Variants in CBLIF observed in about 807,000 individuals in gnomAD.
CBLIF encodes gastric intrinsic factor (vitamin B synthesis).
CBLIF carries 24 observed loss-of-function variants against 44.9 expected under a neutral mutation model. That is an observed-to-expected ratio of 0.53 (90% CI 0.39 to 0.75). The LOEUF is 0.75. CBLIF is among the 30% of genes least tolerant of loss of function. The pLI is 0.00. For missense variants in CBLIF, 481 were observed against 513.0 expected, an observed-to-expected ratio of 0.94 and a Z score of 0.60; for synonymous variants, 183 against 190.9, an observed-to-expected ratio of 0.96 and a Z score of 0.34.
At chr11:59,834,249 TTTCTTTC>T (rs1866414221) in intron 7 of CBLIF, among the ~76,000 whole-genome samples, 4 of 80,952 alleles carry the variant, frequency 4.9e-5, no homozygotes, top group African/African-American at 2.0e-4. Flanking sequence ...TTTTTCTTTC[TTTCTTTC>T]TTTCTTTCTT....
At chr11:59,836,524 A>G (rs1160196001) in intron 6 of CBLIF, among the ~76,000 whole-genome samples, 1 of 152,230 alleles carries the variant, frequency 6.6e-6, no homozygotes, top group East Asian at 1.9e-4. Context: ...TATATGCATA[A>G]TTGGATAAAA....
chr11:59,842,530 G>C lies in CBLIF; in HGVS notation c.424C>G (p.Leu142Val). The change falls in exon 4 of 9, where the codon CTG (leucine) becomes GTG (valine). Residue 142 changes from leucine to valine, a missense_variant. Coordinates refer to ENST00000257248, the MANE Select transcript of CBLIF (RefSeq NM_005142.3). ...GTCGCCTCAGAGTTCTTCTGGCACA[G>C]TGCCAAGATCGCTAGACTGGGCCCA... is the stretch of plus-strand genomic sequence containing the variant. ...FYGPSLAILA[L>V]CQKNSEATLP... 6.2e-7 allele frequency: 1 copy of C among 1,613,984 alleles called. No individual in the cohort carries two copies. The highest frequency in any genetic ancestry group is 1.1e-5 in the South Asian group (1 of 91,072).
At chr11:59,829,790 C>T (rs147809721) in intron 8 of CBLIF, among the ~76,000 whole-genome samples, 19 of 152,264 alleles carry the variant, frequency 1.2e-4, no homozygotes, top group Non-Finnish European at 2.2e-4. Context: ...CTTTAAGATG[C>T]GCGAGTCTCT....
chr11:59,841,918 T>G (rs1048527427), intron 4 of CBLIF, among the ~76,000 whole-genome samples: 1 of 152,082 alleles, frequency 6.6e-6, no homozygotes, highest in African/African-American at 2.4e-5. Flanking sequence ...AAGCTTCTAT[T>G]CACAAGCAGC....
intron 6 of CBLIF, 117 bp downstream of exon 6, chr11:59,837,051 GATGTAC>G (rs1389751350): frequency 7.5e-6 from 6 of 798,054 alleles, no homozygotes; most frequent in Non-Finnish European, 1.3e-5. Flanking sequence ...CTGGGAGTCA[GATGTAC>G]TCTGCCCACA....
rs574226657 is a variant in CBLIF at position 59,843,805 on chromosome 11, C to A, written c.256+74G>T. 2.9e-4 allele frequency: 331 copies of A among 1,129,530 alleles called. 4 individuals are homozygous for A. The South Asian group carries it at 4.0e-3, about 14-fold the overall frequency. The allele number at this position is 1,129,530 out of a possible 1,614,324, so 70.0% of individuals were successfully genotyped here. ...AGAGGCAGCATTGGGGTGGGAAGGA[C>A]GCTGAGTTGGAATCTGGAGGTGGTA... is the stretch of plus-strand genomic sequence containing the variant. On this transcript the variant is annotated intron_variant, in intron 2 of 8. Coordinates refer to ENST00000257248, the MANE Select transcript of CBLIF (RefSeq NM_005142.3).
At chr11:59,843,165 TTA>T in intron 2 of CBLIF, 24 bp from the exon 3 acceptor site, 1 of 1,425,314 alleles carries the variant, frequency 7.0e-7, no homozygotes, top group Non-Finnish European at 9.9e-7. Flanking sequence ...AACACAACGG[TTA>T]GACAGAGACA....
At chr11:59,833,237 C>T (rs961610100) in intron 7 of CBLIF, among the ~76,000 whole-genome samples, 11 of 152,100 alleles carry the variant, frequency 7.2e-5, no homozygotes, top group African/African-American at 2.2e-4. Context: ...TATTTTTGGG[C>T]CAGACGCAGT....
chr11:59,836,020 C>T lies in CBLIF; in HGVS notation c.872-11G>A. On this transcript the variant is annotated splice_polypyrimidine_tract_variant and intron_variant, in intron 6 of 8. Coordinates refer to ENST00000257248, the MANE Select transcript of CBLIF (RefSeq NM_005142.3). ...GTTGTACCTCATGATCTGTGAAGGG[C>T]AAAGAGGCCACATTTGTCAAAGATT... The T allele has an allele frequency of 6.2e-7, 1 of 1,608,914 alleles. No individual in the cohort carries two copies. Among genetic ancestry groups the T allele is most frequent in the Non-Finnish European group, 8.5e-7 (1 of 1,175,220 alleles).
intron 7 of CBLIF, 101 bp from the exon 8 acceptor site, chr11:59,831,897 A>C: frequency 1.4e-6 from 1 of 718,806 alleles, no homozygotes; most frequent in South Asian, 1.5e-5. Flanking sequence ...TAGTTAATTA[A>C]TTTTTTAGAG....
chr11:59,842,421 G>C lies in CBLIF; in HGVS notation c.511+22C>G, dbSNP rs202046221. 3,987 of 1,612,618 alleles carry C rather than the reference G, an allele frequency of 2.5e-3. 114 individuals carry two copies. The highest frequency in any genetic ancestry group is 2.0e-4 in the Non-Finnish European group (236 of 1,179,436). On this transcript the variant is annotated intron_variant, in intron 4 of 8. Transcript: ENST00000257248. The stretch of plus-strand genomic sequence containing the variant: ...ACGATGCCTCTGATGTTCCCAGCTC[G>C]GGGTAGTGGTGACCTACTCACCTAC...
Position 59,843,285 on chromosome 11 carries a change from G to GA in CBLIF, c.257-145dup, listed in dbSNP as rs536951807. 5.4e-3 allele frequency: 3,580 copies of GA among 665,208 alleles called. 127 individuals carry two copies. The Admixed American group carries it at 0.068, about 13-fold the overall frequency. The allele number at this position is 665,208 out of a possible 1,614,324, so 41.2% of individuals were successfully genotyped here. A position where few individuals can be genotyped will look rare whatever the true frequency, so the allele number is the denominator to read the frequency against. ...CAGTTCTTTGATCTGTCTTTCCAAA[G>GA]AAAAAAATATGGAAGAATACGTAAG... On this transcript the variant is annotated intron_variant, in intron 2 of 8. Coordinates refer to ENST00000257248, the MANE Select transcript of CBLIF (RefSeq NM_005142.3).
intron 7 of CBLIF, among the ~76,000 whole-genome samples, chr11:59,832,185 A>G (rs1253817142): frequency 6.6e-6 from 1 of 152,192 alleles, no homozygotes; most frequent in Non-Finnish European, 1.5e-5. Flanking sequence ...TGCAATGGAC[A>G]TGGATGGAGG....
chr11:59,834,303 T>TCTTC (rs1211612826), intron 7 of CBLIF, among the ~76,000 whole-genome samples: 6 of 81,826 alleles, frequency 7.3e-5, no homozygotes, highest in African/African-American at 2.3e-4. Flanking sequence ...TTTCTTTCTT[T>TCTTC]CTTTCTTTCT....
chr11:59,831,331 GT>G (rs1866371031), intron 8 of CBLIF, among the ~76,000 whole-genome samples: 1 of 152,024 alleles, frequency 6.6e-6, no homozygotes. Flanking sequence ...TTGTCCTAGA[GT>G]TTGGAAACCT....
At chr11:59,842,786 G>C (rs1210359033) in intron 3 of CBLIF, 2 of 648,192 alleles carry the variant, frequency 3.1e-6, no homozygotes, top group East Asian at 5.4e-5. Context: ...GGATGACTCT[G>C]TGTCTTTAGA....
At chr11:59,837,121 C>A in intron 6 of CBLIF, 53 bp downstream of exon 6, 7 of 1,354,868 alleles carry the variant, frequency 5.2e-6, no homozygotes, top group Non-Finnish European at 6.4e-6. Context: ...ATCCACATGT[C>A]ATTTCTGGCA....
chr11:59,830,931 T>C (rs1446154628), intron 8 of CBLIF, among the ~76,000 whole-genome samples: 2 of 152,184 alleles, frequency 1.3e-5, no homozygotes, highest in Admixed American at 6.5e-5. Context: ...AAATACATGA[T>C]TGATTCTAAG....
chr11:59,838,836 TTTTC>T (rs1866486615), intron 5 of CBLIF, among the ~76,000 whole-genome samples: 4 of 150,684 alleles, frequency 2.7e-5, no homozygotes, highest in South Asian at 2.1e-4. Flanking sequence ...TCTCTTTTTC[TTTTC>T]TTTCTTTCTT....
Sources: gnomAD v4.1 joint callset for allele counts (sites outside exome capture counted in the v4.1 genomes callset) on GRCh38, gnomAD v4.1.1 for gene constraint, MANE v1.5 for transcripts, NCBI Gene and HGNC (gene_info 2026-07-23, HGNC 2026-07-21) for gene names.